SPATA9: variants seen among roughly 807,000 people sequenced by gnomAD.
SPATA9 encodes the protein spermatogenesis-associated protein 9.
A neutral mutation model predicts 25.5 loss-of-function variants in SPATA9; 27 were observed. The observed-to-expected ratio is 1.06, with a 90% CI of 0.78 to 1.46. The LOEUF (loss-of-function observed/expected upper bound fraction) is 1.46, where lower values mean the gene tolerates loss of function less well. SPATA9 is among the 40% of genes most tolerant of loss of function. The pLI is 0.00. For missense variants in SPATA9, 282 were observed against 297.5 expected (o/e 0.95, Z 0.38); for synonymous variants, 102 against 105.7 (o/e 0.97, Z 0.21).
chr5:95,697,202 T>C (rs935649440), intron 1 of SPATA9, among the ~76,000 whole-genome samples: 8 of 152,162 alleles, frequency 5.3e-5, no homozygotes, highest in African/African-American at 1.4e-4. Context: ...GGCTGGGCTA[T>C]GGTCTTCTTA....
At chr5:95,652,848 C>T (rs1293518863), downstream of SPATA9, 5 of 409,896 alleles carry the variant, frequency 1.2e-5, no homozygotes, top group African/African-American at 8.2e-5. Flanking sequence ...GGACCCCTAG[C>T]TTTCTGATTT....
chr5:95,654,889 A>G (rs1750640231), downstream of SPATA9, among the ~76,000 whole-genome samples: 1 of 152,056 alleles, frequency 6.6e-6, no homozygotes, highest in East Asian at 1.9e-4. Context: ...TAAAATGAGT[A>G]TATATTATTT....
intron 3 of SPATA9, among the ~76,000 whole-genome samples, chr5:95,674,491 C>A (rs1399753300): frequency 2.0e-5 from 3 of 152,162 alleles, no homozygotes; most frequent in Non-Finnish European, 4.4e-5. Flanking sequence ...TGGAGACATT[C>A]CCGTTGGGGT....
the SPATA9 span, among the ~76,000 whole-genome samples, chr5:95,710,252 G>A: frequency 6.6e-6 from 1 of 152,234 alleles, no homozygotes; most frequent in East Asian, 1.9e-4. Flanking sequence ...GGCCAGTTTC[G>A]GTAGTTTCTA....
chr5:95,692,234 T>G (rs2548132), intron 1 of SPATA9, among the ~76,000 whole-genome samples: 86,306 of 151,866 alleles, frequency 0.57, 24,696 homozygotes, highest in East Asian at 0.8. Flanking sequence ...TATTTCAAAT[T>G]TCTTTTTCTT....
At chr5:95,708,622 T>C in the SPATA9 span, 18 of 696,524 alleles carry the variant, frequency 2.6e-5, no homozygotes, top group Non-Finnish European at 4.2e-5. Flanking sequence ...ATTTTGGAGT[T>C]CTTTTTCTGT....
chr5:95,683,230 A>C (rs462259), upstream of SPATA9, among the ~76,000 whole-genome samples: 57,077 of 151,798 alleles, frequency 0.38, 10,835 homozygotes, highest in Non-Finnish European at 0.41. Flanking sequence ...TTGAAAAAAA[A>C]TGGCATGTGC....
At chr5:95,656,542 A>G (rs1431858379), downstream of SPATA9, 3 of 408,704 alleles carry the variant, frequency 7.3e-6, no homozygotes, top group Non-Finnish European at 1.3e-5. Flanking sequence ...CCTGAAGGTT[A>G]TAGGTTTGGG....
At chr5:95,694,081 G>A (rs1753952640) in intron 1 of SPATA9, among the ~76,000 whole-genome samples, 1 of 152,054 alleles carries the variant, frequency 6.6e-6, no homozygotes, top group African/African-American at 2.4e-5. Context: ...GAACACTTGA[G>A]CCCAGGAGGT....
intron 3 of SPATA9, among the ~76,000 whole-genome samples, chr5:95,672,317 C>G (rs909479504): frequency 6.6e-6 from 1 of 152,174 alleles, no homozygotes; most frequent in African/African-American, 2.4e-5. Flanking sequence ...ATAAAGGGAT[C>G]TGAATTTACC....
At chr5:95,700,130 A>T (rs1326202445), upstream of SPATA9, among the ~76,000 whole-genome samples, 1 of 152,202 alleles carries the variant, frequency 6.6e-6, no homozygotes, top group African/African-American at 2.4e-5. Flanking sequence ...GCAGTGTCTC[A>T]TGTTGTAATT....
At chr5:95,725,398 A>G in the SPATA9 span, among the ~76,000 whole-genome samples, 1 of 152,258 alleles carries the variant, frequency 6.6e-6, no homozygotes, top group Non-Finnish European at 1.5e-5. Context: ...TCTAATGAAA[A>G]ATGAATAATC....
chr5:95,731,153 G>T, the SPATA9 span: 3 of 1,017,380 alleles, frequency 2.9e-6, no homozygotes, highest in Non-Finnish European at 3.5e-6. Context: ...CCCCGCGCGG[G>T]CGGCTCCTTT....
chr5:95,694,874 C>T (rs1282919009), intron 1 of SPATA9, among the ~76,000 whole-genome samples: 2 of 152,146 alleles, frequency 1.3e-5, no homozygotes, highest in African/African-American at 4.8e-5. Flanking sequence ...CAAGACAACT[C>T]TAGATTTAGT....
chr5:95,682,825 A>G lies in SPATA9; in HGVS notation c.30T>C (p.Cys10=). The G allele has an allele frequency of 6.5e-7, 1 of 1,549,258 alleles. No homozygotes were observed. The highest frequency in any genetic ancestry group is 8.7e-7 in the Non-Finnish European group (1 of 1,152,322). The part of the protein sequence containing the change: MPIKPVGWI[C]GQVLKNFSGR... Reference sequence around the variant, plus strand: ...CAGAAAAGTTCTTCAACACCTGCCCACATATCCACCCAACAGGTTTGATTG... The same window carrying G: ...CAGAAAAGTTCTTCAACACCTGCCCGCATATCCACCCAACAGGTTTGATTG... Residue 10 remains cysteine, a synonymous_variant, in exon 1 of 5, where the codon TGT becomes TGC. Transcript: ENST00000274432.
intron 1 of SPATA9, among the ~76,000 whole-genome samples, chr5:95,694,901 A>T (rs1049880027): frequency 6.6e-6 from 1 of 152,218 alleles, no homozygotes; most frequent in African/African-American, 2.4e-5. Context: ...ATGGCACCAG[A>T]GGAAGCTACA....
the SPATA9 span, among the ~76,000 whole-genome samples, chr5:95,722,166 A>C: frequency 4.7e-4 from 71 of 152,278 alleles, no homozygotes; most frequent in African/African-American, 1.7e-3. Context: ...TACCCAATGG[A>C]TGGCCATAGC....
intron 2 of SPATA9, among the ~76,000 whole-genome samples, chr5:95,676,249 TA>T (rs936623570): frequency 1.6e-4 from 24 of 152,326 alleles, no homozygotes; most frequent in African/African-American, 5.5e-4. Context: ...AATTTTTACT[TA>T]AAAAATTATT....
chr5:95,654,119 G>A, downstream of SPATA9: 1 of 1,611,664 alleles, frequency 6.2e-7, no homozygotes, highest in Non-Finnish European at 8.5e-7. Context: ...TTCTGTGTGT[G>A]TGGGCAGAGA....
Sources: allele counts gnomAD v4.1 joint callset (sites outside exome capture counted in the v4.1 genomes callset), GRCh38; gene constraint gnomAD v4.1.1; transcripts MANE v1.5; gene names NCBI Gene and HGNC (gene_info 2026-07-23, HGNC 2026-07-21).